Variants in TTC3 observed in about 807,000 individuals in gnomAD.
The protein encoded by TTC3 is tetratricopeptide repeat domain 3.
In TTC3, 180 loss-of-function variants were observed where a neutral mutation model predicts 249.6. That is an observed-to-expected ratio of 0.72 (90% confidence interval 0.64 to 0.82). The LOEUF (loss-of-function observed/expected upper bound fraction) is 0.82, where lower values mean the gene tolerates loss of function less well. Ranked by LOEUF, TTC3 falls within the 40% of genes least tolerant of loss-of-function variation. The pLI is 0.00. For synonymous variants in TTC3, 717 were observed against 805.0 expected, an observed-to-expected ratio of 0.89 and a Z score of 1.85; for missense variants, 2,061 against 2,398.4, an observed-to-expected ratio of 0.86 and a Z score of 2.94.
In TTC3 at chr21:37,118,803, C is replaced by G. The variant is rs573340418; in HGVS notation, c.901-3014C>G. On this transcript the variant is annotated intron_variant, in intron 11 of 45. Coordinates refer to ENST00000355666, the Ensembl canonical transcript of TTC3. ...CTCTTGTTATGTCTTCAAGCTCACC[C>G]ATCTTTTCTTCTGCAGTGTTTTATC... 1.5e-3 allele frequency among the ~76,000 whole-genome samples: 224 copies of G among 152,252 alleles called. 2 individuals are homozygous for G. Among genetic ancestry groups the G allele is most frequent in the African/African-American group, 4.9e-3 (205 of 41,552 alleles).
At chr21:37,173,898 A>G (rs894712870) in intron 35 of TTC3, among the ~76,000 whole-genome samples, 1 of 152,196 alleles carries the variant, frequency 6.6e-6, no homozygotes, top group Non-Finnish European at 1.5e-5. Context: ...ATAGTGACAC[A>G]TGGAACACAA....
At chr21:37,143,441 C>G (rs541286199) in intron 20 of TTC3, among the ~76,000 whole-genome samples, 1 of 152,210 alleles carries the variant, frequency 6.6e-6, no homozygotes, top group South Asian at 2.1e-4. Context: ...AGGATATGAA[C>G]AGACACTTCT....
exon 1 of TTC3, chr21:37,073,322 G>A (rs2070293023): frequency 1.6e-6 from 1 of 630,266 alleles, no homozygotes; most frequent in Non-Finnish European, 2.0e-6. Context: ...GGCGGCTGCT[G>A]CTGCTGCTGC....
At chr21:37,165,701 G>A in exon 33 of TTC3, 1 of 1,613,732 alleles carries the variant, frequency 6.2e-7, no homozygotes, top group South Asian at 1.1e-5. Context: ...CCCTCGTTTT[G>A]TTGTGATTGA....
At chr21:37,140,341 T>G (rs1165583197) in intron 19 of TTC3, among the ~76,000 whole-genome samples, 1 of 152,238 alleles carries the variant, frequency 6.6e-6, no homozygotes, top group Non-Finnish European at 1.5e-5. Flanking sequence ...TTGTCTGATG[T>G]GTTCAGCAGG....
intron 27 of TTC3, among the ~76,000 whole-genome samples, chr21:37,154,675 T>G (rs796651842): frequency 5.9e-5 from 9 of 152,272 alleles, no homozygotes; most frequent in African/African-American, 1.9e-4. Context: ...TCTTTTGATA[T>G]AAACCATGTG....
intron 32 of TTC3, among the ~76,000 whole-genome samples, chr21:37,164,716 G>A (rs192860324): frequency 6.6e-6 from 1 of 152,190 alleles, no homozygotes; most frequent in Non-Finnish European, 1.5e-5. Context: ...TCGATACTGA[G>A]TGGGGTGGAT....
At chr21:37,118,899 G>A (rs916603572) in intron 11 of TTC3, among the ~76,000 whole-genome samples, 1 of 151,876 alleles carries the variant, frequency 6.6e-6, no homozygotes, top group Non-Finnish European at 1.5e-5. Context: ...GTTAAATTTG[G>A]GTCTTTCTTG....
chr21:37,197,940 G>C, exon 44 of TTC3: 1 of 1,614,044 alleles, frequency 6.2e-7, no homozygotes, highest in Non-Finnish European at 8.5e-7. Context: ...CCCGTGACCA[G>C]GTCCTCCCAG....
At chr21:37,155,396 A>T (rs2079950327) in intron 27 of TTC3, among the ~76,000 whole-genome samples, 1 of 152,212 alleles carries the variant, frequency 6.6e-6, no homozygotes, top group Non-Finnish European at 1.5e-5. Flanking sequence ...CACTGACCAC[A>T]AGCTCTGACG....
exon 46 of TTC3, chr21:37,202,304 C>G (rs1280713750): frequency 6.6e-6 from 1 of 152,154 alleles, no homozygotes; most frequent in Admixed American, 6.5e-5. Flanking sequence ...GACTTTTTCC[C>G]CCTGGAATCG....
intron 20 of TTC3, among the ~76,000 whole-genome samples, chr21:37,140,908 A>T (rs547953746): frequency 6.6e-6 from 1 of 152,354 alleles, no homozygotes; most frequent in South Asian, 2.1e-4. Context: ...ACAATATAGT[A>T]ATTTGACATT....
chr21:37,155,323 A>G (rs2079938882), intron 27 of TTC3, among the ~76,000 whole-genome samples: 1 of 152,170 alleles, frequency 6.6e-6, no homozygotes, highest in South Asian at 2.1e-4. Flanking sequence ...GAGAGAAATA[A>G]TAGAGCACTA....
exon 46 of TTC3, chr21:37,201,583 C>G: frequency 6.2e-7 from 1 of 1,610,604 alleles, no homozygotes; most frequent in Non-Finnish European, 8.5e-7. Context: ...AGTCACACTT[C>G]ACTAAAGTGT....
rs557782588 is a variant in TTC3, at chr21:37,077,893, A to G, written c.-12+4529A>G. Among the ~76,000 whole-genome samples the G allele has an allele frequency of 5.6e-4, 85 of 152,276 alleles. 1 individual carries two copies. The highest frequency in any genetic ancestry group is 1.9e-3 in the African/African-American group (81 of 41,568). On this transcript the variant is annotated intron_variant, in intron 1 of 45. Coordinates refer to ENST00000355666, the Ensembl canonical transcript of TTC3. ...TGGTGAACAGAAGTTCTTAATTTTA[A>G]CATAATCTGATTGGAACCTTTCTTG...
chr21:37,074,943 T>A (rs1569308295), intron 1 of TTC3, among the ~76,000 whole-genome samples: 1 of 152,236 alleles, frequency 6.6e-6, no homozygotes, highest in Non-Finnish European at 1.5e-5. Context: ...GATTATTTAA[T>A]CTTTTGCCAA....
chr21:37,094,009 G>A (rs570287228), exon 8 of TTC3: 6 of 1,595,972 alleles, frequency 3.8e-6, no homozygotes, highest in Non-Finnish European at 5.1e-6. Flanking sequence ...ATTTAGACAA[G>A]TACCACATAA....
At chr21:37,123,397 C>A (rs2076783062) in intron 13 of TTC3, among the ~76,000 whole-genome samples, 2 of 152,184 alleles carry the variant, frequency 1.3e-5, no homozygotes, top group South Asian at 4.1e-4. Context: ...TTGGAAGTAT[C>A]TATGGCAAAA....
chr21:37,195,554 G>GTTT, intron 41 of TTC3, 121 bp from the exon 42 acceptor site: 3 of 1,348,768 alleles, frequency 2.2e-6, no homozygotes, highest in Non-Finnish European at 3.0e-6. Context: ...TGGTATTCAG[G>GTTT]TTTCCTGTGC....
Sources: gnomAD v4.1 joint callset for allele counts (sites outside exome capture counted in the v4.1 genomes callset) on GRCh38, gnomAD v4.1.1 for gene constraint, MANE v1.5 for transcripts, NCBI Gene and HGNC (gene_info 2026-07-23, HGNC 2026-07-21) for gene names.